Variants in FRMD3 observed in about 807,000 individuals in gnomAD.
The protein encoded by FRMD3 is FERM domain containing 3, also known as FERM domain-containing protein 3.
FRMD3 carries 33 observed loss-of-function variants against 70.2 expected under a neutral mutation model. That is an observed-to-expected ratio of 0.47 (90% CI 0.36 to 0.63). The LOEUF is 0.63. Among genes scored for constraint, FRMD3 ranks in the 20% least tolerant of loss-of-function variants. The pLI is 0.00. For synonymous variants in FRMD3, 279 were observed against 255.9 expected, an observed-to-expected ratio of 1.09 and a Z score of -0.86; for missense variants, 632 against 711.4, an observed-to-expected ratio of 0.89 and a Z score of 1.27.
chr9:83,438,619 C>T (rs972134976), intron 1 of FRMD3, among the ~76,000 whole-genome samples: 7 of 152,082 alleles, frequency 4.6e-5, no homozygotes, highest in Non-Finnish European at 7.4e-5. Context: ...AGGCTGTTCT[C>T]GAACTCCTAA....
At chr9:83,458,615 G>A (rs12555500) in intron 1 of FRMD3, among the ~76,000 whole-genome samples, 9,048 of 152,284 alleles carry the variant, frequency 0.059, 328 homozygotes, top group East Asian at 0.19. Flanking sequence ...CAAAGCCTGT[G>A]ACAGGCGGAC....
At chr9:83,534,843 AC>A (rs771284497) in intron 1 of FRMD3, among the ~76,000 whole-genome samples, 5 of 152,218 alleles carry the variant, frequency 3.3e-5, no homozygotes, top group Non-Finnish European at 7.3e-5. Context: ...GACCCAGGAC[AC>A]ATTAAGTTTG....
In FRMD3 at chr9:83,431,517, CTTT is replaced by C. The variant is rs566696411; in HGVS notation, c.148-41812_148-41810del. On this transcript the variant is annotated intron_variant, in intron 1 of 13. Transcript: ENST00000304195. ...ATTCTGATTTTTTTCCCTATTCTAA[CTTT>C]TTACTTTGTATTTCACAAGGTATAA... is the stretch of plus-strand genomic sequence containing the variant. Among the ~76,000 whole-genome samples the C allele has an allele frequency of 5.9e-3, 900 of 152,114 alleles. 12 individuals carry two copies. Among genetic ancestry groups the C allele is most frequent in the African/African-American group, 0.02 (827 of 41,506 alleles).
intron 1 of FRMD3, among the ~76,000 whole-genome samples, chr9:83,517,801 G>A (rs11521711): frequency 6.6e-6 from 1 of 152,174 alleles, no homozygotes; most frequent in Non-Finnish European, 1.5e-5. Flanking sequence ...GATCAAGTCA[G>A]CTTCATCCCT....
intron 6 of FRMD3, among the ~76,000 whole-genome samples, chr9:83,322,189 G>A (rs1835827484): frequency 6.6e-6 from 1 of 152,004 alleles, no homozygotes; most frequent in African/African-American, 2.4e-5. Flanking sequence ...GCCCATTGCA[G>A]GGCAGTGGGC....
At chr9:83,309,800 C>A (rs1587708217) in intron 9 of FRMD3, among the ~76,000 whole-genome samples, 176 bp from the exon 10 acceptor site, 3 of 92,756 alleles carry the variant, frequency 3.2e-5, no homozygotes, top group African/African-American at 9.4e-5. Flanking sequence ...ATTCACCCCT[C>A]CCTCACCCTT....
upstream of FRMD3, among the ~76,000 whole-genome samples, chr9:83,538,726 G>T (rs1829958707): frequency 6.6e-6 from 1 of 152,186 alleles, no homozygotes. This position sits in a 1 kb window ranked among gnomAD's most constrained non-coding sequence, Gnocchi z 4.7. Flanking sequence ...TGTCGCTCGG[G>T]CTCCCGGTTG....
the FRMD3 span, among the ~76,000 whole-genome samples, chr9:83,568,274 A>G: frequency 6.6e-6 from 1 of 152,178 alleles, no homozygotes; most frequent in Non-Finnish European, 1.5e-5. Context: ...GGTCTCTCCC[A>G]CAACACGTGG....
At chr9:83,533,725 T>C (rs1313090253) in intron 1 of FRMD3, among the ~76,000 whole-genome samples, 2 of 152,240 alleles carry the variant, frequency 1.3e-5, no homozygotes, top group Non-Finnish European at 2.9e-5. Flanking sequence ...CATCAGAATG[T>C]TCCTACTCTT....
intron 1 of FRMD3, among the ~76,000 whole-genome samples, chr9:83,534,252 T>C (rs892875785): frequency 6.6e-6 from 1 of 152,104 alleles, no homozygotes; most frequent in Non-Finnish European, 1.5e-5. Flanking sequence ...CACAAGCAAA[T>C]GATATGATGG....
chr9:83,354,630 C>T (rs1824276156), intron 3 of FRMD3, among the ~76,000 whole-genome samples: 1 of 152,150 alleles, frequency 6.6e-6, no homozygotes, highest in Non-Finnish European at 1.5e-5. Context: ...TAAACCTGTG[C>T]ATGTAAACCC....
intron 13 of FRMD3, chr9:83,266,972 A>T: frequency 6.5e-7 from 1 of 1,537,864 alleles, no homozygotes; most frequent in Non-Finnish European, 8.8e-7. Context: ...AAGCCCGCAC[A>T]CTTCAGGAAC....
rs749242444 is a variant in FRMD3 at position 83,248,196 on chromosome 9, G to C, written c.1516C>G (p.Arg506Gly). 6.2e-7 allele frequency: 1 copy of C among 1,614,048 alleles called. No individual in the cohort carries two copies. The highest frequency in any genetic ancestry group is 1.3e-5 in the African/African-American group (1 of 74,922). ...AEEEELKEAR[R>G]ALSWSYDILT... ...ATGTCATAGCTCCACGACAAAGCAC[G>C]GCGAGCCTCCTTCAGCTCCTCTTCT... is the stretch of plus-strand genomic sequence containing the variant. Residue 506 changes from arginine (R) to glycine (G), a missense_variant, in exon 14 of 14, where the codon CGT becomes GGT. Transcript: ENST00000304195.
intron 1 of FRMD3, chr9:83,467,600 TA>T: frequency 1.4e-6 from 2 of 1,437,814 alleles, no homozygotes; most frequent in South Asian, 2.4e-5. Flanking sequence ...GATTACATTT[TA>T]GCTGACTGAC....
intron 2 of FRMD3, among the ~76,000 whole-genome samples, chr9:83,379,552 C>T (rs535070004): frequency 1.3e-5 from 2 of 152,228 alleles, no homozygotes; most frequent in South Asian, 2.1e-4. Context: ...TATAAGAAAG[C>T]TAAGACCCCA....
intron 1 of FRMD3, among the ~76,000 whole-genome samples, chr9:83,393,829 G>A (rs1285825878): frequency 1.3e-5 from 2 of 152,108 alleles, no homozygotes; most frequent in Non-Finnish European, 1.5e-5. Context: ...CTACTGCTAT[G>A]CAGCTCAGTT....
intron 9 of FRMD3, among the ~76,000 whole-genome samples, chr9:83,310,121 A>C (rs1036840147): frequency 7.2e-5 from 11 of 152,212 alleles, no homozygotes; most frequent in South Asian, 2.1e-4. Context: ...CTCTGTTTAT[A>C]ACACTCTAAT....
chr9:83,496,279 G>T (rs1828940490), intron 1 of FRMD3, among the ~76,000 whole-genome samples: 1 of 152,156 alleles, frequency 6.6e-6, no homozygotes, highest in African/African-American at 2.4e-5. Context: ...CAAAAATTGT[G>T]AAAATGGAAG....
intron 1 of FRMD3, among the ~76,000 whole-genome samples, chr9:83,492,938 A>G (rs3860937): frequency 0.68 from 102,899 of 152,016 alleles, 35,088 homozygotes; most frequent in African/African-American, 0.73. Context: ...GAGAAGTGGG[A>G]CAGCAAGTCC....
Sources: gnomAD v4.1 joint callset for allele counts (sites outside exome capture counted in the v4.1 genomes callset) on GRCh38, gnomAD v4.1.1 for gene constraint, Gnocchi (gnomAD v3.1) non-coding constraint, MANE v1.5 for transcripts, NCBI Gene and HGNC (gene_info 2026-07-23, HGNC 2026-07-21) for gene names.